NTM: variants seen among roughly 807,000 people sequenced by gnomAD.
NTM encodes IgLON family member 2.
In NTM, 13 loss-of-function variants were observed where a neutral mutation model predicts 42.1. That is an observed-to-expected ratio of 0.31 (90% CI 0.20 to 0.49). NTM has a LOEUF of 0.49. Ranked by LOEUF, NTM falls within the 20% of genes least tolerant of loss-of-function variation. The pLI is 0.99. For synonymous variants in NTM, 187 were observed against 179.2 expected (o/e 1.04, Z -0.35); for missense variants, 373 against 452.8 (o/e 0.82, Z 1.60).
Position 132,101,939 on chromosome 11 carries a change from T to A in NTM, c.168-44343T>A, listed in dbSNP as rs532907482. 2.0e-5 allele frequency among the ~76,000 whole-genome samples: 3 copies of A among 152,344 alleles called. No individual in the cohort carries two copies. In the East Asian group the frequency reaches 5.8e-4, roughly 29 times the overall value. On this transcript the variant is annotated intron_variant, in intron 2 of 8. Transcript: ENST00000683400. Reference sequence around the variant, plus strand: ...CCTTGTCATGGCACAAAAAGCTTTCTGTAACCTGATCTCTCCTCCCTACTT... The same window carrying A: ...CCTTGTCATGGCACAAAAAGCTTTCAGTAACCTGATCTCTCCTCCCTACTT...
At chr11:131,775,113 A>G (rs1355900078) in intron 1 of NTM, among the ~76,000 whole-genome samples, 1 of 152,222 alleles carries the variant, frequency 6.6e-6, no homozygotes, top group African/African-American at 2.4e-5. Flanking sequence ...GGGCTCCTCC[A>G]GGGGAATGCT....
intron 1 of NTM, among the ~76,000 whole-genome samples, chr11:131,637,271 A>G (rs2064522218): frequency 6.6e-6 from 1 of 151,890 alleles, no homozygotes; most frequent in African/African-American, 2.4e-5. Context: ...GGAAGGCCAG[A>G]GTCACCCTCT....
At chr11:131,441,026 T>G (rs531019244) in intron 1 of NTM, among the ~76,000 whole-genome samples, 20 of 152,162 alleles carry the variant, frequency 1.3e-4, no homozygotes, top group African/African-American at 4.8e-4. Flanking sequence ...TGATGTTTTC[T>G]CTCATTTTAT....
intron 2 of NTM, among the ~76,000 whole-genome samples, chr11:132,044,160 G>A (rs1457699134): frequency 6.4e-4 from 84 of 130,274 alleles, no homozygotes; most frequent in African/African-American, 9.1e-4. Flanking sequence ...GTGTGTGTGT[G>A]TGTGCTTATG....
At chr11:131,898,722 C>T (rs2052672219) in intron 1 of NTM, among the ~76,000 whole-genome samples, 1 of 152,200 alleles carries the variant, frequency 6.6e-6, no homozygotes, top group Admixed American at 6.5e-5. Context: ...TTACTCTGAT[C>T]TTGATTTGGG....
chr11:131,807,740 C>T (rs1364299150), intron 1 of NTM, among the ~76,000 whole-genome samples: 3 of 152,116 alleles, frequency 2.0e-5, no homozygotes, highest in Admixed American at 1.3e-4. Flanking sequence ...AAGTCTTTGG[C>T]ACCTGTTAGG....
At chr11:131,583,169 G>C (rs139699214) in intron 1 of NTM, among the ~76,000 whole-genome samples, 1 of 152,134 alleles carries the variant, frequency 6.6e-6, no homozygotes, top group Non-Finnish European at 1.5e-5. Flanking sequence ...TATGTTCCAT[G>C]TTCTTCCAAT....
rs139155840 is a variant in NTM, at chr11:131,555,863, C to T, written c.82+184975C>T. ...TAGGGAACTGACTGAGTAGAGACAT[C>T]CTAAATGCCGAGGAGTGATGGCACC... is the stretch of plus-strand genomic sequence containing the variant. On this transcript the variant is annotated intron_variant, in intron 1 of 8. Coordinates refer to ENST00000683400, the MANE Select transcript of NTM (RefSeq NM_001352005.2). 3.9e-5 allele frequency among the ~76,000 whole-genome samples: 6 copies of T among 152,222 alleles called. No homozygotes were observed. In the East Asian group the frequency reaches 1.2e-3, roughly 30 times the overall value.
At chr11:131,853,776 T>C (rs1236188012) in intron 1 of NTM, among the ~76,000 whole-genome samples, 1 of 152,200 alleles carries the variant, frequency 6.6e-6, no homozygotes, top group Non-Finnish European at 1.5e-5. Context: ...GATTGCTGGA[T>C]CAAGTGATAT....
rs1331358761 is a variant in NTM, at chr11:131,370,794, A to G, written c.-13A>G. 6.2e-7 allele frequency: 1 copy of G among 1,608,778 alleles called. No homozygotes were observed. The highest frequency in any genetic ancestry group is 1.7e-5 in the Admixed American group (1 of 59,178). ...CCTGACAAAAAAGAAGAAAAAGAAG[A>G]AGAAAAAAAATCATGAAAACCATCC... is the stretch of plus-strand genomic sequence containing the variant. On this transcript the variant is annotated 5_prime_UTR_variant, in exon 1 of 9. Transcript: ENST00000683400.
intron 2 of NTM, among the ~76,000 whole-genome samples, chr11:131,988,989 G>T (rs1361916020): frequency 3.3e-5 from 5 of 152,090 alleles, no homozygotes; most frequent in African/African-American, 4.8e-5. Flanking sequence ...CTGATTCTTT[G>T]AATCCAGCTA....
intron 3 of NTM, among the ~76,000 whole-genome samples, chr11:132,202,750 A>C (rs908796039): frequency 6.6e-6 from 1 of 152,218 alleles, no homozygotes; most frequent in Non-Finnish European, 1.5e-5. Context: ...AACTCGGTCA[A>C]GAGGCAGAGC....
chr11:131,706,085 A>T (rs1485689608), intron 1 of NTM, among the ~76,000 whole-genome samples: 1 of 152,092 alleles, frequency 6.6e-6, no homozygotes, highest in Non-Finnish European at 1.5e-5. Flanking sequence ...GCTACCTTTA[A>T]GAGACTCATA....
intron 2 of NTM, among the ~76,000 whole-genome samples, chr11:132,070,724 C>T (rs1213675295): frequency 6.9e-6 from 1 of 145,326 alleles, no homozygotes; most frequent in Non-Finnish European, 1.5e-5. Context: ...ACACGTCACA[C>T]AGCCAAGTTA....
chr11:131,740,811 C>G (rs903116356), intron 1 of NTM, among the ~76,000 whole-genome samples: 1 of 152,136 alleles, frequency 6.6e-6, no homozygotes, highest in African/African-American at 2.4e-5. Context: ...CGGCTGGGCT[C>G]AGGCACAGTG....
At chr11:131,689,731 C>G (rs1321167913) in intron 1 of NTM, among the ~76,000 whole-genome samples, 1 of 152,170 alleles carries the variant, frequency 6.6e-6, no homozygotes, top group Non-Finnish European at 1.5e-5. Context: ...CCCTCCCATA[C>G]CGCAGGCTTG....
intron 2 of NTM, among the ~76,000 whole-genome samples, chr11:131,921,798 C>T (rs1285724330): frequency 6.6e-6 from 1 of 152,058 alleles, no homozygotes; most frequent in Non-Finnish European, 1.5e-5. Context: ...GGTGGAAATG[C>T]TTGCCCTTTT....
intron 1 of NTM, among the ~76,000 whole-genome samples, chr11:131,789,475 GAAGAAGAAGAAGAAGAGGAAA>G (rs2090004231): frequency 5.9e-4 from 7 of 11,894 alleles, no homozygotes; most frequent in Admixed American, 2.4e-3. Flanking sequence ...AGAAGAAGAA[GAAGAAGAAGAAGAAGAGGAAA>G]GAAGAAGAAG....
At chr11:131,487,472 C>T (rs796797438) in intron 1 of NTM, among the ~76,000 whole-genome samples, 3 of 152,308 alleles carry the variant, frequency 2.0e-5, no homozygotes, top group African/African-American at 7.2e-5. Flanking sequence ...TATAAACCCC[C>T]AATTGAAATC....
Sources: gnomAD v4.1 joint callset for allele counts (sites outside exome capture counted in the v4.1 genomes callset) on GRCh38, gnomAD v4.1.1 for gene constraint, MANE v1.5 for transcripts, NCBI Gene and HGNC (gene_info 2026-07-23, HGNC 2026-07-21) for gene names.